Variants in TMEM163 observed in about 807,000 individuals in gnomAD.
The protein encoded by TMEM163 is transmembrane protein 163.
TMEM163 carries 17 observed loss-of-function variants against 29.3 expected under a neutral mutation model. The observed-to-expected ratio is 0.58, with a 90% CI of 0.40 to 0.87. TMEM163 has a LOEUF of 0.87. Ranked by LOEUF, TMEM163 falls within the 40% of genes least tolerant of loss-of-function variation. The pLI, the probability that TMEM163 is intolerant of heterozygous loss-of-function variation, is 0.00. For missense variants in TMEM163, 303 were observed against 381.5 expected (o/e 0.79, Z 1.71); for synonymous variants, 157 against 160.6 (o/e 0.98, Z 0.17).
chr2:134,606,771 T>C (rs1377650802), intron 2 of TMEM163, among the ~76,000 whole-genome samples: 5 of 152,310 alleles, frequency 3.3e-5, no homozygotes, highest in Admixed American at 1.3e-4. Context: ...CAGCACTGAA[T>C]GTCACAAAGA....
chr2:134,700,638 C>T (rs1019947043), intron 2 of TMEM163, among the ~76,000 whole-genome samples: 1 of 152,132 alleles, frequency 6.6e-6, no homozygotes, highest in African/African-American at 2.4e-5. Flanking sequence ...GTGGCTCATG[C>T]CTGTAATTCC....
At chr2:134,509,113 C>G (rs1452960925) in intron 4 of TMEM163, among the ~76,000 whole-genome samples, 1 of 152,240 alleles carries the variant, frequency 6.6e-6, no homozygotes, top group African/African-American at 2.4e-5. Context: ...TGATTAGTCT[C>G]TAGAGCAGAG....
intron 2 of TMEM163, among the ~76,000 whole-genome samples, chr2:134,674,688 CAAAT>C (rs1224369875): frequency 4.6e-5 from 7 of 150,906 alleles, no homozygotes; most frequent in Non-Finnish European, 8.8e-5. Flanking sequence ...CAAAACCTGA[CAAAT>C]AGAGCCAAAG....
intron 2 of TMEM163, among the ~76,000 whole-genome samples, chr2:134,711,012 A>G (rs1573555819): frequency 6.6e-6 from 1 of 152,244 alleles, no homozygotes; most frequent in African/African-American, 2.4e-5. Context: ...GAAGAGTAGG[A>G]CTGGGAGTTT....
intron 2 of TMEM163, among the ~76,000 whole-genome samples, chr2:134,561,410 G>A (rs1038098828): frequency 5.3e-5 from 8 of 149,592 alleles, no homozygotes; most frequent in East Asian, 2.0e-4. Context: ...GGGTTTCACC[G>A]TGTTAGCCAG....
intron 5 of TMEM163, among the ~76,000 whole-genome samples, chr2:134,475,350 TA>T (rs1686890204): frequency 6.6e-6 from 1 of 152,166 alleles, no homozygotes; most frequent in South Asian, 2.1e-4. Flanking sequence ...TATTTCACAC[TA>T]TATATAAATT....
rs139426668 is a variant in TMEM163, at chr2:134,487,013, A to C, written c.555+15888T>G. On this transcript the variant is annotated intron_variant, in intron 5 of 7. Transcript: ENST00000281924. ...TATACATAACTAACCAAACAAGCAA[A>C]CCTCTTAGCAAACAGCAACAAACCA... Among the ~76,000 whole-genome samples, 967 of 152,236 alleles carry C rather than the reference A, an allele frequency of 6.4e-3. 6 individuals are homozygous for C. Among genetic ancestry groups the C allele is most frequent in the Middle Eastern group, 0.017 (5 of 294 alleles).
chr2:134,537,539 C>T (rs1310027575), intron 4 of TMEM163, among the ~76,000 whole-genome samples: 1 of 152,200 alleles, frequency 6.6e-6, no homozygotes, highest in African/African-American at 2.4e-5. Flanking sequence ...GCACACATAC[C>T]TCCTAAAACC....
At chr2:134,477,746 GA>G (rs1433000190) in intron 5 of TMEM163, among the ~76,000 whole-genome samples, 1 of 152,186 alleles carries the variant, frequency 6.6e-6, no homozygotes, top group African/African-American at 2.4e-5. Context: ...AGTCTGTGAT[GA>G]ATTATCAACC....
At chr2:134,681,898 C>A (rs975281030) in intron 2 of TMEM163, among the ~76,000 whole-genome samples, 1 of 152,212 alleles carries the variant, frequency 6.6e-6, no homozygotes, top group African/African-American at 2.4e-5. Context: ...ACATTTAGAA[C>A]CCAGATTCAA....
chr2:134,560,601 G>T (rs563776834), intron 2 of TMEM163, among the ~76,000 whole-genome samples: 4 of 152,208 alleles, frequency 2.6e-5, no homozygotes, highest in Non-Finnish European at 5.9e-5. Flanking sequence ...GGGACAGCTT[G>T]AAGCATTTGC....
At chr2:134,487,483 A>G (rs1353912351) in intron 5 of TMEM163, among the ~76,000 whole-genome samples, 2 of 152,252 alleles carry the variant, frequency 1.3e-5, no homozygotes, top group Admixed American at 1.3e-4. Context: ...TTCTCTCAGA[A>G]TTAATAAATT....
At chr2:134,621,683 G>A (rs1257589380) in intron 2 of TMEM163, among the ~76,000 whole-genome samples, 1 of 151,812 alleles carries the variant, frequency 6.6e-6, no homozygotes, top group East Asian at 1.9e-4. Flanking sequence ...GAGGTCAGGA[G>A]ATCGAGACCA....
intron 2 of TMEM163, among the ~76,000 whole-genome samples, chr2:134,656,149 C>G (rs1027374237): frequency 3.5e-5 from 5 of 144,682 alleles, no homozygotes; most frequent in African/African-American, 8.3e-5. Flanking sequence ...CCCCCAGCCT[C>G]GCTGCCGCCT....
At chr2:134,616,001 G>T (rs1682602081) in intron 2 of TMEM163, among the ~76,000 whole-genome samples, 1 of 152,122 alleles carries the variant, frequency 6.6e-6, no homozygotes, top group South Asian at 2.1e-4. Flanking sequence ...GTGGGATCAA[G>T]ATCCTGAAGC....
chr2:134,624,254 A>G (rs541045799), intron 2 of TMEM163, among the ~76,000 whole-genome samples: 2 of 152,354 alleles, frequency 1.3e-5, no homozygotes, highest in South Asian at 4.1e-4. Context: ...AGTTACATAG[A>G]AAGAAGCATC....
intron 2 of TMEM163, among the ~76,000 whole-genome samples, chr2:134,586,473 G>T (rs552692460): frequency 6.6e-6 from 1 of 152,156 alleles, no homozygotes; most frequent in Non-Finnish European, 1.5e-5. Context: ...CTTTGCGTGC[G>T]TATCTGTGTC....
intron 2 of TMEM163, among the ~76,000 whole-genome samples, chr2:134,585,706 C>T (rs921901412): frequency 1.2e-4 from 18 of 149,824 alleles, no homozygotes; most frequent in African/African-American, 3.2e-4. Context: ...CGCGCCACTG[C>T]ACTCCAGCCT....
chr2:134,648,304 C>CCTCTTCTCTT (rs60230448), intron 2 of TMEM163, among the ~76,000 whole-genome samples: 8,279 of 143,156 alleles, frequency 0.058, 470 homozygotes, highest in African/African-American at 0.13. Context: ...CACTGCTTCT[C>CCTCTTCTCTT]CTCTTCTCTT....
Sources: gnomAD v4.1 joint callset for allele counts (sites outside exome capture counted in the v4.1 genomes callset) on GRCh38, gnomAD v4.1.1 for gene constraint, MANE v1.5 for transcripts, NCBI Gene and HGNC (gene_info 2026-07-23, HGNC 2026-07-21) for gene names.